The following DCTN4 variants were observed in gnomAD, a reference collection of about 807,000 sequenced individuals.
DCTN4 encodes dynactin 4 (p62).
DCTN4 carries 23 observed loss-of-function variants against 62.7 expected under a neutral mutation model. The ratio of observed to expected loss-of-function variants is 0.37; its 90% CI spans 0.26 to 0.52. The LOEUF is 0.52. Among genes scored for constraint, DCTN4 ranks in the 20% least tolerant of loss-of-function variants. The pLI is 0.92. For missense variants in DCTN4, 514 were observed against 580.4 expected, an observed-to-expected ratio of 0.89 and a Z score of 1.18; for synonymous variants, 199 against 202.1, an observed-to-expected ratio of 0.98 and a Z score of 0.13.
chr5:150,716,752 T>C (rs921460905), intron 11 of DCTN4, among the ~76,000 whole-genome samples: 7 of 152,204 alleles, frequency 4.6e-5, no homozygotes, highest in Admixed American at 1.3e-4. Flanking sequence ...ACCCCGTCTC[T>C]ACTAAAACTG....
chr5:150,754,376 CT>C (rs1365324719), intron 2 of DCTN4, among the ~76,000 whole-genome samples: 4 of 152,156 alleles, frequency 2.6e-5, no homozygotes, highest in Non-Finnish European at 5.9e-5. Context: ...TAGTACTCAC[CT>C]TACAAGGAAG....
intron 9 of DCTN4, among the ~76,000 whole-genome samples, chr5:150,721,841 TAGAG>T (rs1303489645): frequency 6.6e-6 from 1 of 152,154 alleles, no homozygotes; most frequent in Admixed American, 6.5e-5. Context: ...TTTTTTTCCT[TAGAG>T]AGAGAGTCCT....
Position 150,725,412 on chromosome 5 carries a change from C to T in DCTN4, c.835-2432G>A, listed in dbSNP as rs181431264. ...CAATTTAATTTATATATAACTATTTCCATTACTAATCTTTTTTAAGAAATC... is the reference window on the plus strand; with the variant it reads ...CAATTTAATTTATATATAACTATTTTCATTACTAATCTTTTTTAAGAAATC... On this transcript the variant is annotated intron_variant, in intron 8 of 12. Transcript: ENST00000447998. Among the ~76,000 whole-genome samples the T allele has an allele frequency of 7.3e-4, 110 of 151,664 alleles. 1 individual carries two copies. The highest frequency in any genetic ancestry group is 1.0e-4 in the Non-Finnish European group (7 of 67,910).
rs531647667 is a variant in DCTN4 at position 150,727,817 on chromosome 5, C to T, written c.834+2814G>A. 3.1e-3 allele frequency among the ~76,000 whole-genome samples: 468 copies of T among 149,712 alleles called. 6 individuals are homozygous for T. Among genetic ancestry groups the T allele is most frequent in the Middle Eastern group, 0.01 (3 of 286 alleles). The stretch of plus-strand genomic sequence containing the variant: ...AAAAAACAAAAAACCCAATAAGCTT[C>T]CTGATGATTTTTTTGTAATTGGAGA... On this transcript the variant is annotated intron_variant, in intron 8 of 12. Transcript: ENST00000447998.
chr5:150,730,561 C>CA, intron 8 of DCTN4, 70 bp downstream of exon 8: 1 of 1,366,176 alleles, frequency 7.3e-7, no homozygotes, highest in Non-Finnish European at 1.0e-6. Flanking sequence ...TGACATTAGT[C>CA]AGACACCAGC....
In DCTN4 at chr5:150,731,141, C is replaced by T; in HGVS notation, c.627G>A (p.Glu209=). Residue 209 remains glutamate, a synonymous_variant, in exon 7 of 13, where the codon GAG becomes GAA. Coordinates refer to ENST00000447998, the MANE Select transcript of DCTN4 (RefSeq NM_016221.4). ...TLAGLSLKEG[E]DQKEIKIEPA... ...GCTCAATCTTTATCTCTTTCTGATC[C>T]TCTCCTTCTTTAAGGCTGAAAAATT... 6.2e-7 allele frequency: 1 copy of T among 1,609,756 alleles called. No homozygotes were observed. Among genetic ancestry groups the T allele is most frequent in the East Asian group, 2.2e-5 (1 of 44,836 alleles).
rs893624924 is a variant in DCTN4 at position 150,713,455 on chromosome 5, T to C, written c.1170-2093A>G. ...TTTTTCTTTTCTTTTCTTTTTTTTT[T>C]TTTTTTGAGACGGAGTCTGGCTCTG... On this transcript the variant is annotated intron_variant, in intron 12 of 12. Transcript: ENST00000447998. 1.7e-4 allele frequency among the ~76,000 whole-genome samples: 26 copies of C among 149,868 alleles called. 1 individual carries two copies.
Position 150,711,063 on chromosome 5 carries a change from A to G in DCTN4, c.*86T>C. Reference sequence around the variant, plus strand: ...AGTGCATGGGTACATCGTTATAAACAAGGCCTAATGAAGCAGCAGCTTCCA... The same window carrying G: ...AGTGCATGGGTACATCGTTATAAACGAGGCCTAATGAAGCAGCAGCTTCCA... On this transcript the variant is annotated 3_prime_UTR_variant, in exon 13 of 13. Transcript: ENST00000447998. 1 of 1,243,762 alleles carries G rather than the reference A, an allele frequency of 8.0e-7. No homozygotes were observed. The highest frequency in any genetic ancestry group is 1.2e-6 in the Non-Finnish European group (1 of 861,878). The allele number at this position is 1,243,762 out of a possible 1,614,324, so 77.0% of individuals were successfully genotyped here. A position where few individuals can be genotyped will look rare whatever the true frequency, so the allele number is the denominator to read the frequency against.
intron 8 of DCTN4, among the ~76,000 whole-genome samples, chr5:150,729,155 A>G (rs1323253402): frequency 1.4e-5 from 2 of 145,072 alleles, no homozygotes; most frequent in African/African-American, 2.6e-5. Context: ...TTGGCCTCTC[A>G]AAGTGTTGTG....
intron 5 of DCTN4, chr5:150,732,006 G>C (rs1474531650): frequency 4.9e-6 from 5 of 1,011,472 alleles, no homozygotes; most frequent in Admixed American, 4.0e-5. Flanking sequence ...TGGGAAAATT[G>C]GAAGAATAAT....
At chr5:150,712,144 T>A (rs905922491) in intron 12 of DCTN4, among the ~76,000 whole-genome samples, 7 of 152,208 alleles carry the variant, frequency 4.6e-5, no homozygotes, top group Non-Finnish European at 8.8e-5. Context: ...TTATTTATTT[T>A]TTTGAGATGG....
intron 5 of DCTN4, 75 bp from the exon 6 acceptor site, chr5:150,731,564 GT>G (rs1760371852): frequency 8.1e-7 from 1 of 1,233,908 alleles, no homozygotes; most frequent in Admixed American, 2.1e-5. Context: ...AGAATTTTGG[GT>G]AGGATAGCAT....
At chr5:150,714,130 A>G (rs1021019457) in intron 12 of DCTN4, among the ~76,000 whole-genome samples, 2 of 151,988 alleles carry the variant, frequency 1.3e-5, no homozygotes, top group South Asian at 4.2e-4. Flanking sequence ...CAAAACAAAG[A>G]CTGTGAATGT....
At chr5:150,717,716 G>A (rs1258546790) in intron 11 of DCTN4, among the ~76,000 whole-genome samples, 1 of 152,172 alleles carries the variant, frequency 6.6e-6, no homozygotes, top group Non-Finnish European at 1.5e-5. Context: ...GTATGTTAGG[G>A]GAGTCAGGAT....
chr5:150,711,847 CT>C (rs1215128351), intron 12 of DCTN4, among the ~76,000 whole-genome samples: 14 of 152,050 alleles, frequency 9.2e-5, no homozygotes, highest in African/African-American at 3.4e-4. Context: ...TTATACTTTT[CT>C]GCTTTTCTAA....
intron 8 of DCTN4, among the ~76,000 whole-genome samples, chr5:150,726,764 C>T (rs113222520): frequency 5.9e-5 from 9 of 152,068 alleles, no homozygotes; most frequent in Admixed American, 1.3e-4. Context: ...GTTATGTTAA[C>T]TGAAAAAATA....
intron 12 of DCTN4, among the ~76,000 whole-genome samples, chr5:150,713,359 T>C (rs1759637791): frequency 1.3e-5 from 2 of 152,074 alleles, no homozygotes; most frequent in Non-Finnish European, 2.9e-5. Flanking sequence ...AAACAACACT[T>C]GACCTGGTGC....
At chr5:150,745,660 T>C (rs574770996) in intron 3 of DCTN4, among the ~76,000 whole-genome samples, 103 of 152,098 alleles carry the variant, frequency 6.8e-4, no homozygotes, top group African/African-American at 2.5e-3. Flanking sequence ...TTCAACTACA[T>C]GGAAACTGAA....
At position 150,758,974 on chromosome 5, in the gene DCTN4, G is replaced by A. The variant is rs1561715754; in HGVS notation, c.20C>T (p.Ser7Leu). 3 of 1,614,042 alleles carry A rather than the reference G, an allele frequency of 1.9e-6. No individual in the cohort carries two copies. The highest frequency in any genetic ancestry group is 2.5e-6 in the Non-Finnish European group (3 of 1,179,946). MASLLQSDRVLYLVQGE... is the reference protein window; with the variant it reads MASLLQLDRVLYLVQGE... ...CTGGACTAGATAGAGAACCCGGTCC[G>A]ACTGCAGCAAGGACGCCATCTTGGG... Residue 7 changes from serine (S) to leucine (L), a missense_variant, in exon 1 of 13, where the codon TCG (serine) becomes TTG (leucine). Transcript: ENST00000447998.
Sources: allele counts gnomAD v4.1 joint callset (sites outside exome capture counted in the v4.1 genomes callset), GRCh38; gene constraint gnomAD v4.1.1; transcripts MANE v1.5; gene names NCBI Gene and HGNC (gene_info 2026-07-23, HGNC 2026-07-21).